Variants in RORA observed in about 807,000 individuals in gnomAD.
RORA encodes the protein nuclear receptor ROR-alpha.
Under a neutral mutation model 69.5 loss-of-function variants are expected in RORA, and 7 were observed. That is an observed-to-expected ratio of 0.10 (90% CI 0.06 to 0.19). The LOEUF (loss-of-function observed/expected upper bound fraction) is 0.19, where lower values mean the gene tolerates loss of function less well. RORA is among the 10% of genes least tolerant of loss of function. The probability of loss-of-function intolerance (pLI) is 1.00; values close to 1 mark genes in which losing one functional copy is unlikely to be tolerated. For missense variants in RORA, 457 were observed against 663.0 expected, an observed-to-expected ratio of 0.69 and a Z score of 3.41; for synonymous variants, 261 against 240.8, an observed-to-expected ratio of 1.08 and a Z score of -0.78.
chr15:60,626,274 G>A (rs1286646829), intron 2 of RORA, among the ~76,000 whole-genome samples: 2 of 152,170 alleles, frequency 1.3e-5, no homozygotes, highest in Admixed American at 6.5e-5. Flanking sequence ...TCTTGGAACT[G>A]ACAGGGAAAA....
intron 1 of RORA, among the ~76,000 whole-genome samples, chr15:60,855,238 C>G (rs2073366712): frequency 1.3e-5 from 2 of 152,182 alleles, no homozygotes; most frequent in Non-Finnish European, 2.9e-5. Context: ...GTCTCCTGGC[C>G]TTTCATGTTG....
At chr15:60,882,022 G>A (rs1040578314) in intron 1 of RORA, among the ~76,000 whole-genome samples, 6 of 152,238 alleles carry the variant, frequency 3.9e-5, no homozygotes, top group East Asian at 1.9e-4. Context: ...GTCTTCCCGC[G>A]CACGTGTTGC....
At chr15:60,708,329 G>T (rs1033186177) in intron 1 of RORA, among the ~76,000 whole-genome samples, 1 of 151,880 alleles carries the variant, frequency 6.6e-6, no homozygotes, top group African/African-American at 2.4e-5. Flanking sequence ...GGCTGAGACA[G>T]GAGAATCGCT....
chr15:61,227,044 G>A (rs2080151527), intron 1 of RORA, among the ~76,000 whole-genome samples: 1 of 152,122 alleles, frequency 6.6e-6, no homozygotes, highest in Non-Finnish European at 1.5e-5. Flanking sequence ...GGATTTGCTA[G>A]TCGGCTCTGC....
At chr15:61,229,009 C>A (rs2080175307) in intron 1 of RORA, 44 bp downstream of exon 1, 2 of 1,177,404 alleles carry the variant, frequency 1.7e-6, no homozygotes, top group South Asian at 2.8e-5. Context: ...GCTCCGCGCC[C>A]GGGCTCCCGC....
intron 2 of RORA, among the ~76,000 whole-genome samples, chr15:60,677,869 G>A (rs1283944937): frequency 6.6e-6 from 1 of 152,194 alleles, no homozygotes; most frequent in East Asian, 1.9e-4. Flanking sequence ...GTCTAAAATA[G>A]TCATCAAATT....
At chr15:60,940,135 A>G (rs576323471) in intron 1 of RORA, among the ~76,000 whole-genome samples, 1 of 152,316 alleles carries the variant, frequency 6.6e-6, no homozygotes, top group East Asian at 1.9e-4. Flanking sequence ...TTTCACTCTA[A>G]TAGTGATGGT....
intron 2 of RORA, among the ~76,000 whole-genome samples, chr15:60,596,718 C>T (rs901862613): frequency 3.3e-5 from 5 of 151,926 alleles, no homozygotes; most frequent in African/African-American, 4.8e-5. Flanking sequence ...TAAAGGGGGA[C>T]GGGACAAGTG....
intron 1 of RORA, among the ~76,000 whole-genome samples, chr15:60,852,218 G>A (rs2073334300): frequency 6.6e-6 from 1 of 152,154 alleles, no homozygotes; most frequent in Non-Finnish European, 1.5e-5. Flanking sequence ...TGTCTGGCGT[G>A]GTCGGGTGGG....
At chr15:60,565,079 TGAA>T (rs1337894259) in intron 2 of RORA, among the ~76,000 whole-genome samples, 6 of 152,152 alleles carry the variant, frequency 3.9e-5, no homozygotes, top group African/African-American at 9.7e-5. Context: ...ATCAGAGCTT[TGAA>T]GAAGAACACT....
intron 1 of RORA, among the ~76,000 whole-genome samples, chr15:60,854,089 C>T (rs1760901217): frequency 6.6e-6 from 1 of 152,016 alleles, no homozygotes; most frequent in African/African-American, 2.4e-5. Flanking sequence ...TGGTGAAACC[C>T]CATCTCCACT....
chr15:60,877,884 G>C (rs997445624), intron 1 of RORA, among the ~76,000 whole-genome samples: 1 of 152,086 alleles, frequency 6.6e-6, no homozygotes, highest in African/African-American at 2.4e-5. Context: ...TAGATCAGTG[G>C]TGCTCTAATG....
chr15:60,979,451 C>A (rs909042612), intron 1 of RORA, among the ~76,000 whole-genome samples: 1 of 151,942 alleles, frequency 6.6e-6, no homozygotes, highest in Non-Finnish European at 1.5e-5. Context: ...GGGGAGTATT[C>A]TATTTTAATA....
chr15:60,851,800 G>C (rs1015659639), intron 1 of RORA, among the ~76,000 whole-genome samples: 3 of 150,886 alleles, frequency 2.0e-5, no homozygotes, highest in African/African-American at 7.3e-5. Context: ...CCCCACAATA[G>C]TTTTCTTCCT....
At chr15:60,844,300 G>C (rs2073237185) in intron 1 of RORA, among the ~76,000 whole-genome samples, 1 of 152,168 alleles carries the variant, frequency 6.6e-6, no homozygotes. Context: ...CAGTTACTGG[G>C]ACACAGAGGG....
chr15:60,661,964 A>C (rs2070310557), intron 2 of RORA, among the ~76,000 whole-genome samples: 1 of 152,168 alleles, frequency 6.6e-6, no homozygotes, highest in Non-Finnish European at 1.5e-5. Flanking sequence ...GAAACACTTA[A>C]CCTCTTTTTC....
intron 1 of RORA, among the ~76,000 whole-genome samples, chr15:61,170,576 G>A (rs2079576605): frequency 6.6e-6 from 1 of 152,170 alleles, no homozygotes; most frequent in African/African-American, 2.4e-5. Flanking sequence ...CCAGGCTCTA[G>A]GGATTGGGGT....
chr15:61,081,150 G>A (rs1435678390), intron 1 of RORA, among the ~76,000 whole-genome samples: 4 of 152,262 alleles, frequency 2.6e-5, no homozygotes, highest in East Asian at 1.9e-4. Context: ...CTCCTGCACC[G>A]CTGGGAATCA....
intron 1 of RORA, among the ~76,000 whole-genome samples, chr15:61,192,556 A>T (rs952583058): frequency 3.3e-5 from 5 of 152,180 alleles, no homozygotes; most frequent in Non-Finnish European, 7.4e-5. Flanking sequence ...ACCAGGAAGC[A>T]CCCCAAAGAC....
Sources: allele counts gnomAD v4.1 joint callset (sites outside exome capture counted in the v4.1 genomes callset), GRCh38; gene constraint gnomAD v4.1.1; transcripts MANE v1.5; gene names NCBI Gene and HGNC (gene_info 2026-07-23, HGNC 2026-07-21).